The following TFCP2 variants were observed in gnomAD, a reference collection of about 807,000 sequenced individuals.
TFCP2 encodes transcription factor CP2, also known as alpha-globin transcription factor CP2.
In TFCP2, 33 loss-of-function variants were observed where a neutral mutation model predicts 73.4. The observed-to-expected ratio is 0.45, with a 90% CI of 0.34 to 0.60. TFCP2 has a LOEUF of 0.60. Among genes scored for constraint, TFCP2 ranks in the 20% least tolerant of loss-of-function variants. The probability of loss-of-function intolerance (pLI) is 0.01; values close to 1 mark genes in which losing one functional copy is unlikely to be tolerated. For synonymous variants in TFCP2, 193 were observed against 211.6 expected (o/e 0.91, Z 0.76); for missense variants, 352 against 604.0 (o/e 0.58, Z 4.37).
At chr12:51,149,487 C>G (rs1357076211) in intron 1 of TFCP2, among the ~76,000 whole-genome samples, 1 of 151,524 alleles carries the variant, frequency 6.6e-6, no homozygotes, top group Non-Finnish European at 1.5e-5. Context: ...AAGAGGAGGA[C>G]AAGAAAAGTG....
chr12:51,129,179 T>A (rs1398628026), intron 1 of TFCP2, among the ~76,000 whole-genome samples: 1 of 152,100 alleles, frequency 6.6e-6, no homozygotes, highest in Non-Finnish European at 1.5e-5. Context: ...TACATTTGAA[T>A]ATACTTAGTT....
chr12:51,121,658 G>A (rs1469555169), intron 1 of TFCP2, among the ~76,000 whole-genome samples: 1 of 151,226 alleles, frequency 6.6e-6, no homozygotes, highest in African/African-American at 2.4e-5. Context: ...TAGAGACGAG[G>A]TCTCACCATG....
At chr12:51,113,636 T>G (rs1050087699) in intron 4 of TFCP2, among the ~76,000 whole-genome samples, 1 of 152,220 alleles carries the variant, frequency 6.6e-6, no homozygotes, top group Non-Finnish European at 1.5e-5. Context: ...GTTCTCATGC[T>G]TCACGACTTC....
intron 7 of TFCP2, 151 bp from the exon 8 acceptor site, chr12:51,106,764 G>A (rs1248996853): frequency 1.1e-5 from 7 of 641,128 alleles, no homozygotes; most frequent in East Asian, 3.1e-5. Context: ...TTCTCTTTCC[G>A]CCATCTTGGA....
intron 9 of TFCP2, 75 bp from the exon 10 acceptor site, chr12:51,103,838 C>T: frequency 8.7e-7 from 1 of 1,150,890 alleles, no homozygotes; most frequent in South Asian, 1.3e-5. Flanking sequence ...CATAGCCAAA[C>T]ACCCCACACA....
chr12:51,096,112 A>T, intron 13 of TFCP2, 72 bp from the exon 14 acceptor site: 2 of 1,208,272 alleles, frequency 1.7e-6, no homozygotes, highest in South Asian at 2.5e-5. Context: ...GTCCCTAAGG[A>T]CTACCCCACA....
At chr12:51,171,343 T>C (rs1000969245) in intron 1 of TFCP2, among the ~76,000 whole-genome samples, 3 of 152,212 alleles carry the variant, frequency 2.0e-5, no homozygotes, top group Non-Finnish European at 4.4e-5. Flanking sequence ...ACAAGTTATA[T>C]AGGCAATAAT....
intron 14 of TFCP2, 103 bp downstream of exon 14, chr12:51,095,886 A>G (rs1939954356): frequency 3.6e-6 from 3 of 822,574 alleles, no homozygotes. Context: ...TCTTTACCCA[A>G]ATATGGTTAC....
At chr12:51,154,986 GTTGA>G (rs1202585934) in intron 1 of TFCP2, among the ~76,000 whole-genome samples, 2 of 152,198 alleles carry the variant, frequency 1.3e-5, no homozygotes, top group African/African-American at 2.4e-5. Flanking sequence ...GTGTGAGTAG[GTTGA>G]TTGAGGGAGT....
chr12:51,159,806 G>A (rs1474233822), intron 1 of TFCP2, among the ~76,000 whole-genome samples: 1 of 152,092 alleles, frequency 6.6e-6, no homozygotes, highest in Non-Finnish European at 1.5e-5. Context: ...GGAAGAGATG[G>A]TCCTTTCTGC....
intron 1 of TFCP2, among the ~76,000 whole-genome samples, chr12:51,122,740 C>T (rs1592806076): frequency 1.3e-5 from 2 of 152,118 alleles, no homozygotes; most frequent in East Asian, 1.9e-4. Context: ...AGACTATTTA[C>T]AACTGTAGAA....
At chr12:51,112,327 C>T (rs1940422214) in intron 4 of TFCP2, among the ~76,000 whole-genome samples, 1 of 152,084 alleles carries the variant, frequency 6.6e-6, no homozygotes, top group South Asian at 2.1e-4. Context: ...TAGTATCCTC[C>T]TTCTAGCTTA....
chr12:51,149,866 G>A (rs2137028078), intron 1 of TFCP2, among the ~76,000 whole-genome samples: 1 of 152,232 alleles, frequency 6.6e-6, no homozygotes, highest in East Asian at 1.9e-4. Flanking sequence ...TTCCCAAAGT[G>A]CTGGGATTAC....
chr12:51,168,873 C>T lies in TFCP2; in HGVS notation c.122+3428G>A, dbSNP rs150804490. Reference sequence around the variant, plus strand: ...CTGTAGTGCAGTGGCACAGTCTCAGCTCATTGCAACTTCCGCCTCCCGGGT... The same window carrying T: ...CTGTAGTGCAGTGGCACAGTCTCAGTTCATTGCAACTTCCGCCTCCCGGGT... On this transcript the variant is annotated intron_variant, in intron 1 of 14. Coordinates refer to ENST00000257915, the MANE Select transcript of TFCP2 (RefSeq NM_005653.5). 7.5e-3 allele frequency among the ~76,000 whole-genome samples: 1,140 copies of T among 152,070 alleles called. 9 individuals carry two copies. The highest frequency in any genetic ancestry group is 0.024 in the African/African-American group (985 of 41,492).
intron 4 of TFCP2, among the ~76,000 whole-genome samples, chr12:51,111,654 G>C (rs1031351545): frequency 1.7e-4 from 25 of 150,522 alleles, no homozygotes; most frequent in African/African-American, 5.6e-4. Context: ...AGGAGTTCGA[G>C]ACCAGCCTGA....
chr12:51,151,218 G>A (rs1424815905), intron 1 of TFCP2, among the ~76,000 whole-genome samples: 1 of 152,182 alleles, frequency 6.6e-6, no homozygotes, highest in Non-Finnish European at 1.5e-5. Flanking sequence ...TATATTCAAT[G>A]GCTGGAGGAG....
At chr12:51,143,946 T>G (rs1566223471) in intron 1 of TFCP2, among the ~76,000 whole-genome samples, 1 of 152,210 alleles carries the variant, frequency 6.6e-6, no homozygotes, top group Non-Finnish European at 1.5e-5. Flanking sequence ...TGGATACATA[T>G]GCCGATGATG....
rs943455655 is a variant in TFCP2 at position 51,128,482 on chromosome 12, A to T, written c.123-9710T>A. The stretch of plus-strand genomic sequence containing the variant: ...CTAAAACTTAAAGTATAATAATAAA[A>T]AAAAAAAAAACAAAAAAAACAAACT... On this transcript the variant is annotated intron_variant, in intron 1 of 14. Transcript: ENST00000257915. Among the ~76,000 whole-genome samples the T allele has an allele frequency of 2.9e-3, 439 of 151,476 alleles. 2 individuals carry two copies. Among genetic ancestry groups the T allele is most frequent in the African/African-American group, 0.01 (423 of 41,318 alleles).
intron 1 of TFCP2, among the ~76,000 whole-genome samples, chr12:51,170,289 T>C (rs988037877): frequency 1.3e-5 from 2 of 152,058 alleles, no homozygotes; most frequent in Non-Finnish European, 2.9e-5. Context: ...ATCACTAAAA[T>C]ATTTATATAA....
Sources: gnomAD v4.1 joint callset for allele counts (sites outside exome capture counted in the v4.1 genomes callset) on GRCh38, gnomAD v4.1.1 for gene constraint, MANE v1.5 for transcripts, NCBI Gene and HGNC (gene_info 2026-07-23, HGNC 2026-07-21) for gene names.